LRRC14B: variants seen among roughly 807,000 people sequenced by gnomAD.
LRRC14B encodes leucine rich repeat containing 14B.
A neutral mutation model predicts 16.9 loss-of-function variants in LRRC14B; 23 were observed. That is an observed-to-expected ratio of 1.36 (90% confidence interval 0.98 to 1.92). LRRC14B has a LOEUF of 1.92. Among genes scored for constraint, LRRC14B ranks in the 30% most tolerant of loss-of-function variants. LRRC14B has a pLI of 0.00. For synonymous variants in LRRC14B, 358 were observed against 332.5 expected (o/e 1.08, Z -0.83); for missense variants, 766 against 705.7 (o/e 1.09, Z -0.97).
In LRRC14B at chr5:192,205, C is replaced by A. The variant is rs1040840672; in HGVS notation, c.667C>A (p.Arg223=). Residue 223 remains arginine, a synonymous_variant, in exon 1 of 2, where the codon CGG becomes AGG. Transcript: ENST00000328278. ...CAAGCTGGAGGTGGTGCACAACGTG[C>A]GGCTGCATGCGGGCCACGTGCAGCA... ...LRKLEVVHNV[R]LHAGHVQQLL... 5 of 1,598,572 alleles carry A rather than the reference C, an allele frequency of 3.1e-6. No individual in the cohort carries two copies. In the African/African-American group the frequency reaches 5.4e-5, roughly 17 times the overall value.
intron 1 of LRRC14B, among the ~76,000 whole-genome samples, chr5:192,727 G>A (rs2864967): frequency 0.63 from 96,479 of 152,182 alleles, 31,254 homozygotes; most frequent in Non-Finnish European, 0.67. Flanking sequence ...AAGTGCCTAC[G>A]TGGTGTGAGG....
At chr5:192,746 A>G (rs1022042215) in intron 1 of LRRC14B, among the ~76,000 whole-genome samples, 2 of 152,224 alleles carry the variant, frequency 1.3e-5, no homozygotes, top group Non-Finnish European at 2.9e-5. Flanking sequence ...GGAGTTGTCT[A>G]TTGTTGATGA....
chr5:192,303 C>A lies in LRRC14B; in HGVS notation c.765C>A (p.Pro255=), dbSNP rs765285231. 3.1e-6 allele frequency: 5 copies of A among 1,600,076 alleles called. No homozygotes were observed. Among genetic ancestry groups the A allele is most frequent in the African/African-American group, 2.7e-5 (2 of 74,350 alleles). The part of the protein sequence containing the change: ...TLPTKAFDAP[P]TYASTPDGED... Reference sequence around the variant, plus strand: ...CCACCAAGGCCTTTGATGCACCCCCCACCTACGCCTCCACTCCCGACGGCG... The same window carrying A: ...CCACCAAGGCCTTTGATGCACCCCCAACCTACGCCTCCACTCCCGACGGCG... Residue 255 remains proline (P), a synonymous_variant, in exon 1 of 2, where the codon CCC becomes CCA. Transcript: ENST00000328278.
chr5:195,682 G>T lies in LRRC14B; in HGVS notation c.*329G>T. The T allele has an allele frequency of 5.3e-6, 2 of 378,510 alleles. No individual in the cohort carries two copies. The highest frequency in any genetic ancestry group is 9.8e-6 in the Non-Finnish European group (2 of 204,560). 23.4% of individuals were successfully genotyped at this position (378,510 alleles called of 1,614,324 possible). On this transcript the variant is annotated 3_prime_UTR_variant, in exon 2 of 2. Coordinates refer to ENST00000328278, the MANE Select transcript of LRRC14B (RefSeq NM_001080478.3). ...GGAGGTGTGAGGAGTGGCCGACCTGGCCTCAGCGCATCTGGGCACTGGGCG... is the reference window on the plus strand; with the variant it reads ...GGAGGTGTGAGGAGTGGCCGACCTGTCCTCAGCGCATCTGGGCACTGGGCG...
At chr5:193,800 GGGTGCA>G (rs1442717896) in intron 1 of LRRC14B, among the ~76,000 whole-genome samples, 1 of 152,020 alleles carries the variant, frequency 6.6e-6, no homozygotes, top group East Asian at 1.9e-4. Flanking sequence ...ACATGCAGGT[GGGTGCA>G]GGTGCAGGTG....
chr5:192,267 G>A lies in LRRC14B; in HGVS notation c.729G>A (p.Ser243=). 1.9e-6 allele frequency: 3 copies of A among 1,595,092 alleles called. No homozygotes were observed. The highest frequency in any genetic ancestry group is 1.3e-5 in the African/African-American group (1 of 74,404). The change falls in exon 1 of 2, where the codon TCG becomes TCA. Residue 243 remains serine (S), a synonymous_variant. Coordinates refer to ENST00000328278, the MANE Select transcript of LRRC14B (RefSeq NM_001080478.3). ...LAQVGFPRLA[S]LTLPTKAFDA... ...AGGTGGGCTTCCCCCGGCTGGCCTC[G>A]CTCACCCTGCCCACCAAGGCCTTTG... is the stretch of plus-strand genomic sequence containing the variant.
At position 191,616 on chromosome 5, in the gene LRRC14B, G is replaced by A. The variant is rs764626886; in HGVS notation, c.78G>A (p.Leu26=). The change falls in exon 1 of 2, where the codon CTG becomes CTA. Residue 26 remains leucine, a synonymous_variant. Transcript: ENST00000328278. The stretch of plus-strand genomic sequence containing the variant: ...ACCCCCAGGTGGCCCGGCAGAGCCT[G>A]GACAGCGTGGCCCACAACCTCTACC... ...VSHPQVARQS[L]DSVAHNLYPL... The A allele has an allele frequency of 6.2e-7, 1 of 1,611,498 alleles. No homozygotes were observed. The highest frequency in any genetic ancestry group is 8.5e-7 in the Non-Finnish European group (1 of 1,179,284).
rs1733899685 is a variant in LRRC14B, at chr5:195,425, G to C, written c.*72G>C. ...TGCCCCGGGCTTTAGTCCTGGATCT[G>C]AGGCTTGGGCCCGGCATTCATCCCC... On this transcript the variant is annotated 3_prime_UTR_variant, in exon 2 of 2. Coordinates refer to ENST00000328278, the MANE Select transcript of LRRC14B (RefSeq NM_001080478.3). 4 of 1,401,124 alleles carry C rather than the reference G, an allele frequency of 2.9e-6. No homozygotes were observed. The highest frequency in any genetic ancestry group is 3.9e-6 in the Non-Finnish European group (4 of 1,034,976). The allele number at this position is 1,401,124 out of a possible 1,614,324, so 86.8% of individuals were successfully genotyped here.
At position 192,091 on chromosome 5, in the gene LRRC14B, C is replaced by T. The variant is rs1733811915; in HGVS notation, c.553C>T (p.Arg185Trp). ...ALRPAGPAPL[R>W]VHCPSFRADS... is the part of the protein sequence containing the mutation. Reference sequence around the variant, plus strand: ...GAGGCCAGCGGGCCCGGCCCCTCTGCGGGTGCACTGCCCCTCGTTCCGGGC... The same window carrying T: ...GAGGCCAGCGGGCCCGGCCCCTCTGTGGGTGCACTGCCCCTCGTTCCGGGC... The change falls in exon 1 of 2, where the codon CGG (arginine) becomes TGG (tryptophan). Residue 185 changes from arginine (R) to tryptophan (W), a missense_variant. Physicochemically the swap from Arg to Trp is moderately radical, Grantham distance 101. Transcript: ENST00000328278. 2 of 1,553,274 alleles carry T rather than the reference C, an allele frequency of 1.3e-6. No homozygotes were observed. The highest frequency in any genetic ancestry group is 1.4e-5 in the African/African-American group (1 of 73,776).
chr5:194,757 A>C lies in LRRC14B; in HGVS notation c.949A>C (p.Asn317His). 4 of 1,613,600 alleles carry C rather than the reference A, an allele frequency of 2.5e-6. No individual in the cohort carries two copies. The highest frequency in any genetic ancestry group is 3.4e-6 in the Non-Finnish European group (4 of 1,179,746). The change falls in exon 2 of 2, where the codon AAC becomes CAC. Residue 317 changes from asparagine to histidine, a missense_variant. By Grantham distance (68) the Asn-to-His change is moderately conservative. Coordinates refer to ENST00000328278, the MANE Select transcript of LRRC14B (RefSeq NM_001080478.3). ...ACTGGACCTGGCCAACTGTGCCCTG[A>C]ACCACACGGACATGGCCTTCTTGGC... ...RVLDLANCAL[N>H]HTDMAFLADC...
rs758952383 is a variant in LRRC14B, at chr5:195,233, T to A, written c.1425T>A (p.Pro475=). ...GAGAGGACATCCAAGTCTCCACACC[T>A]CTCTTTGGAAGTTTTGACCCAGACA... ...ADREDIQVST[P]LFGSFDPDIQ... is the part of the protein sequence containing the mutation. Residue 475 remains proline (P), a synonymous_variant, in exon 2 of 2, where the codon CCT becomes CCA. Coordinates refer to ENST00000328278, the MANE Select transcript of LRRC14B (RefSeq NM_001080478.3). 3 of 1,613,544 alleles carry A rather than the reference T, an allele frequency of 1.9e-6. No individual in the cohort carries two copies. In the South Asian group the frequency reaches 3.3e-5, roughly 18 times the overall value.
intron 1 of LRRC14B, among the ~76,000 whole-genome samples, chr5:194,291 G>A (rs969244394): frequency 2.0e-5 from 3 of 152,114 alleles, no homozygotes; most frequent in Non-Finnish European, 2.9e-5. Flanking sequence ...TTTCTGAGTG[G>A]ACGTTCTCGT....
At position 193,534 on chromosome 5, in the gene LRRC14B, G is replaced by A. The variant is rs146544859; in HGVS notation, c.899+1097G>A. ...CCTGGTGGTGGGTCCTGAAGTGGGGGCACCTGGTGGTGAGTCCTGGGGTGG... is the reference window on the plus strand; with the variant it reads ...CCTGGTGGTGGGTCCTGAAGTGGGGACACCTGGTGGTGAGTCCTGGGGTGG... On this transcript the variant is annotated intron_variant, in intron 1 of 1. Transcript: ENST00000328278. Among the ~76,000 whole-genome samples the A allele has an allele frequency of 9.0e-5, 13 of 144,152 alleles. No individual in the cohort carries two copies. The East Asian group carries it at 2.6e-3, about 28-fold the overall frequency. 94.6% of individuals were successfully genotyped at this position (144,152 alleles called of 152,430 possible). A position where few individuals can be genotyped will look rare whatever the true frequency, so the allele number is the denominator to read the frequency against.
intron 1 of LRRC14B, among the ~76,000 whole-genome samples, chr5:193,009 G>A (rs1459063926): frequency 1.3e-5 from 2 of 152,186 alleles, no homozygotes; most frequent in Non-Finnish European, 2.9e-5. Context: ...GAGGCAGAGA[G>A]GGCAGCAGCT....
intron 1 of LRRC14B, among the ~76,000 whole-genome samples, chr5:194,221 C>T (rs898044576): frequency 9.2e-5 from 14 of 151,720 alleles, no homozygotes; most frequent in Non-Finnish European, 1.6e-4. Context: ...CACTGCCCCC[C>T]GCCGTCTGCT....
chr5:193,721 T>C (rs1317753299), intron 1 of LRRC14B, among the ~76,000 whole-genome samples: 1 of 151,106 alleles, frequency 6.6e-6, no homozygotes, highest in Non-Finnish European at 1.5e-5. Flanking sequence ...TGGCGTGGTT[T>C]CTCAGGTGGG....
At chr5:194,493 G>C (rs1579350125) in intron 1 of LRRC14B, among the ~76,000 whole-genome samples, 1 of 152,204 alleles carries the variant, frequency 6.6e-6, no homozygotes, top group South Asian at 2.1e-4. Flanking sequence ...TATGGACACC[G>C]AGTTTGAATA....
chr5:191,514 G>A lies in LRRC14B; in HGVS notation c.-25G>A, dbSNP rs766620493. The A allele has an allele frequency of 3.2e-6, 5 of 1,580,380 alleles. No individual in the cohort carries two copies. Among genetic ancestry groups the A allele is most frequent in the Admixed American group, 1.7e-5 (1 of 58,406 alleles). On this transcript the variant is annotated 5_prime_UTR_variant, in exon 1 of 2. It adds an upstream start codon to the 5' untranslated region. Coordinates refer to ENST00000328278, the MANE Select transcript of LRRC14B (RefSeq NM_001080478.3). ...AAGGGCACACGCCTTGGGGAAAGTC[G>A]TGGGGAGCGGTCCTGTCTCGGGCCA...
intron 1 of LRRC14B, among the ~76,000 whole-genome samples, 158 bp downstream of exon 1, chr5:192,595 G>A (rs542803094): frequency 6.6e-6 from 1 of 152,302 alleles, no homozygotes; most frequent in East Asian, 1.9e-4. Flanking sequence ...CCCGCCAAGG[G>A]GCAAGAGCAC....
Sources: gnomAD v4.1 joint callset for allele counts (sites outside exome capture counted in the v4.1 genomes callset) on GRCh38, gnomAD v4.1.1 for gene constraint, MANE v1.5 for transcripts, NCBI Gene and HGNC (gene_info 2026-07-23, HGNC 2026-07-21) for gene names.